AHCYL2: variants seen among roughly 807,000 people sequenced by gnomAD.
AHCYL2 encodes adenosylhomocysteinase like 2, also known as S-adenosylhomocysteine hydrolase-like protein 2.
Under a neutral mutation model 81.4 loss-of-function variants are expected in AHCYL2, and 28 were observed. That is an observed-to-expected ratio of 0.34 (90% CI 0.25 to 0.47). The LOEUF is 0.47. AHCYL2 is among the 20% of genes least tolerant of loss of function. AHCYL2 has a pLI of 1.00. For missense variants in AHCYL2, 551 were observed against 785.1 expected (o/e 0.70, Z 3.56); for synonymous variants, 272 against 290.2 (o/e 0.94, Z 0.64).
Position 129,419,168 on chromosome 7 carries a change from T to C in AHCYL2, c.1462-3672T>C, listed in dbSNP as rs1324495586. ...AGCTGCATTTTTTTTCTGAGAAATA[T>C]GAATGCTGTGAATACTGAAGGATCT... On this transcript the variant is annotated intron_variant, in intron 12 of 16. Transcript: ENST00000325006. The surrounding 1 kb of genome is among the most constrained non-coding windows in gnomAD (Gnocchi z 4.7). Among the ~76,000 whole-genome samples the C allele has an allele frequency of 6.6e-6, 1 of 152,162 alleles. No individual in the cohort carries two copies. The highest frequency in any genetic ancestry group is 2.4e-5 in the African/African-American group (1 of 41,408).
chr7:129,304,044 A>G (rs1797341302), intron 1 of AHCYL2, among the ~76,000 whole-genome samples: 1 of 152,092 alleles, frequency 6.6e-6, no homozygotes, highest in Non-Finnish European at 1.5e-5. Flanking sequence ...CTGACACAAG[A>G]CTGTCTCAAA....
At chr7:129,405,054 T>C (rs762466841) in intron 7 of AHCYL2, 43 bp from the exon 8 acceptor site, 29 of 1,329,410 alleles carry the variant, frequency 2.2e-5, no homozygotes, top group Non-Finnish European at 3.0e-5. Context: ...TGGTAGATTG[T>C]AATGTCCTGG....
intron 1 of AHCYL2, among the ~76,000 whole-genome samples, chr7:129,323,493 A>G (rs1356819828): frequency 1.3e-5 from 2 of 152,092 alleles, no homozygotes; most frequent in African/African-American, 4.8e-5. Flanking sequence ...TATATTGTTA[A>G]ATGTTCTGTG....
intron 1 of AHCYL2, among the ~76,000 whole-genome samples, chr7:129,265,356 A>T (rs1226207721): frequency 6.6e-6 from 1 of 152,198 alleles, no homozygotes; most frequent in East Asian, 1.9e-4. Flanking sequence ...ACTCAGGTTG[A>T]TGGTGGGATT....
chr7:129,378,141 G>T (rs1460633281), intron 1 of AHCYL2, among the ~76,000 whole-genome samples: 1 of 151,934 alleles, frequency 6.6e-6, no homozygotes, highest in African/African-American at 2.4e-5. Flanking sequence ...GTGAAACCCC[G>T]TCTCTACTAA....
intron 1 of AHCYL2, among the ~76,000 whole-genome samples, chr7:129,235,924 T>C (rs1405700218): frequency 1.3e-5 from 2 of 152,186 alleles, no homozygotes; most frequent in African/African-American, 4.8e-5. Flanking sequence ...TACATGGTGC[T>C]GCAGTAACTA....
chr7:129,320,942 A>G (rs1045190859), intron 1 of AHCYL2, among the ~76,000 whole-genome samples: 1 of 152,214 alleles, frequency 6.6e-6, no homozygotes, highest in Non-Finnish European at 1.5e-5. Context: ...TTTTATTGCC[A>G]AGTAATGTTA....
At chr7:129,384,040 T>G (rs1795088736) in intron 2 of AHCYL2, among the ~76,000 whole-genome samples, 1 of 152,128 alleles carries the variant, frequency 6.6e-6, no homozygotes, top group Admixed American at 6.6e-5. Context: ...ATATGTTAAT[T>G]ATCTCTGTTG....
chr7:129,350,911 C>T (rs913693653), intron 1 of AHCYL2, among the ~76,000 whole-genome samples: 4 of 151,818 alleles, frequency 2.6e-5, no homozygotes, highest in African/African-American at 4.8e-5. Context: ...ACCATGTTGA[C>T]CAGGCTGGTC....
intron 1 of AHCYL2, among the ~76,000 whole-genome samples, chr7:129,291,366 C>G (rs1371760948): frequency 6.6e-6 from 1 of 152,142 alleles, no homozygotes; most frequent in Non-Finnish European, 1.5e-5. Flanking sequence ...TCATCGTCTC[C>G]TTTTTATAGA....
At chr7:129,314,583 G>A (rs1316136834) in intron 1 of AHCYL2, among the ~76,000 whole-genome samples, 1 of 152,238 alleles carries the variant, frequency 6.6e-6, no homozygotes, top group East Asian at 1.9e-4. Flanking sequence ...TCCTTGCATA[G>A]TGGAAGGGAT....
At chr7:129,230,185 C>T (rs180926648) in intron 1 of AHCYL2, among the ~76,000 whole-genome samples, 6 of 147,972 alleles carry the variant, frequency 4.1e-5, no homozygotes, top group Non-Finnish European at 7.4e-5. Flanking sequence ...TGGGTTCAAG[C>T]GATTCTCCTG....
At chr7:129,246,742 C>T (rs1795074992) in intron 1 of AHCYL2, among the ~76,000 whole-genome samples, 1 of 152,156 alleles carries the variant, frequency 6.6e-6, no homozygotes, top group Admixed American at 6.5e-5. Context: ...AGTGATCCAC[C>T]TGCCTCAGCT....
chr7:129,282,679 T>A (rs767362904), intron 1 of AHCYL2, among the ~76,000 whole-genome samples: 21 of 152,190 alleles, frequency 1.4e-4, no homozygotes, highest in Non-Finnish European at 2.5e-4. Context: ...TGATTGATTT[T>A]TTTCTTCTTC....
At chr7:129,401,121 C>T (rs1253816453) in intron 6 of AHCYL2, among the ~76,000 whole-genome samples, 1 of 152,052 alleles carries the variant, frequency 6.6e-6, no homozygotes, top group Admixed American at 6.5e-5. Flanking sequence ...CCCAGGAGTT[C>T]GAGACCAGCC....
rs865816516 is a variant in AHCYL2, at chr7:129,265,661, G to A, written c.363+40222G>A. 7.9e-5 allele frequency among the ~76,000 whole-genome samples: 12 copies of A among 152,282 alleles called. 1 individual carries two copies. The South Asian group carries it at 1.2e-3, about 16-fold the overall frequency. On this transcript the variant is annotated intron_variant, in intron 1 of 16. Coordinates refer to ENST00000325006, the MANE Select transcript of AHCYL2 (RefSeq NM_015328.4). ...GTAATGAGCCAGTGTCATGTATGGT[G>A]TTAATAGGTCATATTCAGGATTATG... is the stretch of plus-strand genomic sequence containing the variant.
intron 1 of AHCYL2, among the ~76,000 whole-genome samples, chr7:129,270,217 G>A (rs1795961231): frequency 6.6e-6 from 1 of 152,182 alleles, no homozygotes; most frequent in Non-Finnish European, 1.5e-5. Context: ...CCTTCCTAAT[G>A]TAACGTCAGT....
At chr7:129,284,269 T>C (rs1160234654) in intron 1 of AHCYL2, among the ~76,000 whole-genome samples, 2 of 152,014 alleles carry the variant, frequency 1.3e-5, no homozygotes, top group African/African-American at 2.4e-5. Flanking sequence ...GCGTGAGGAA[T>C]AGGAAAATTT....
intron 2 of AHCYL2, among the ~76,000 whole-genome samples, chr7:129,380,567 G>A (rs1442995306): frequency 6.6e-6 from 1 of 152,118 alleles, no homozygotes; most frequent in Non-Finnish European, 1.5e-5. Context: ...ATATAAAGTT[G>A]AAAAACAGTT....
Sources: allele counts gnomAD v4.1 joint callset (sites outside exome capture counted in the v4.1 genomes callset), GRCh38; gene constraint gnomAD v4.1.1; non-coding constraint Gnocchi (gnomAD v3.1); transcripts MANE v1.5; gene names NCBI Gene and HGNC (gene_info 2026-07-23, HGNC 2026-07-21).